COL2A1: variants seen among roughly 807,000 people sequenced by gnomAD.
COL2A1 encodes collagen type II alpha 1 chain.
In COL2A1, 28 loss-of-function variants were observed where a neutral mutation model predicts 204.5. The ratio of observed to expected loss-of-function variants is 0.14; its 90% CI spans 0.10 to 0.19. The LOEUF (loss-of-function observed/expected upper bound fraction) is 0.19, where lower values mean the gene tolerates loss of function less well. Ranked by LOEUF, COL2A1 falls within the 10% of genes least tolerant of loss-of-function variation. The pLI is 1.00. For synonymous variants in COL2A1, 708 were observed against 718.7 expected (o/e 0.99, Z 0.24); for missense variants, 1,388 against 2,027.5 (o/e 0.68, Z 6.06).
Position 47,985,979 on chromosome 12 carries a change from G to A in COL2A1, c.1528-14C>T. 1.3e-6 allele frequency: 2 copies of A among 1,551,516 alleles called. No individual in the cohort carries two copies. The highest frequency in any genetic ancestry group is 1.7e-6 in the Non-Finnish European group (2 of 1,146,966). ...GCCGGGAGCACCCTAAGGAGCCACA[G>A]GGAGGAGAGGCAGTGAGTGAGAACA... On this transcript the variant is annotated splice_polypyrimidine_tract_variant and intron_variant, in intron 23 of 53. Transcript: ENST00000380518.
At chr12:47,985,495 C>A (rs761743720) in intron 26 of COL2A1, 39 bp downstream of exon 26, 4 of 1,597,054 alleles carry the variant, frequency 2.5e-6, no homozygotes, top group South Asian at 2.2e-5. Context: ...CCAGGGAGAT[C>A]CCCCCACCCT....
intron 29 of COL2A1, 111 bp from the exon 30 acceptor site, chr12:47,983,847 G>A (rs559478547): frequency 8.6e-7 from 1 of 1,159,326 alleles, no homozygotes; most frequent in South Asian, 1.3e-5. Flanking sequence ...GCGTCTTCCT[G>A]CACCACTCAG....
chr12:47,980,037 T>C lies in COL2A1; in HGVS notation c.2651A>G (p.Lys884Arg). The change falls in exon 40 of 54, where the codon AAA (lysine) becomes AGA (arginine). Residue 884 changes from lysine (K) to arginine (R), a missense_variant. Lys to Arg is a conservative substitution (Grantham distance 26). This residue lies in a region of COL2A1 where 884 missense variants were observed against 1,415.8 expected (regional missense o/e 0.62). Coordinates refer to ENST00000380518, the MANE Select transcript of COL2A1 (RefSeq NM_001844.5). This position sits in a 1 kb window ranked among gnomAD's most constrained non-coding sequence, Gnocchi z 4.5. ...GGGGCCTTGGGCACCTCGGGCTCCTTTAGGACCAGTCACTCCAGTAGGACC... is the reference window on the plus strand; with the variant it reads ...GGGGCCTTGGGCACCTCGGGCTCCTCTAGGACCAGTCACTCCAGTAGGACC... ...PQGPTGVTGP[K>R]GARGAQGPPG... 1.3e-6 allele frequency: 2 copies of C among 1,555,472 alleles called. No individual in the cohort carries two copies. Among genetic ancestry groups the C allele is most frequent in the Non-Finnish European group, 1.7e-6 (2 of 1,149,538 alleles).
At chr12:47,973,640 T>A in intron 53 of COL2A1, 87 bp from the exon 54 acceptor site, 1 of 1,523,502 alleles carries the variant, frequency 6.6e-7, no homozygotes, top group Non-Finnish European at 9.1e-7. Context: ...CTGAACAAAC[T>A]GGCGAGCATC....
Position 47,976,527 on chromosome 12 carries a change from G to A in COL2A1, c.3476C>T (p.Pro1159Leu), listed in dbSNP as rs1938715657. The change falls in exon 49 of 54, where the codon CCT becomes CTT. Residue 1159 changes from proline (P) to leucine (L), a missense_variant. Transcript: ENST00000380518. The surrounding 1 kb of genome is among the most constrained non-coding windows in gnomAD (Gnocchi z 4.3). ...GDQGASGPAG[P>L]SGPRGPPGPV... ...CATGTCACTTACTCTAGGGCCAGAA[G>A]GACCAGCAGGACCAGAAGCACCTTG... 4 of 1,614,078 alleles carry A rather than the reference G, an allele frequency of 2.5e-6. No individual in the cohort carries two copies. Among genetic ancestry groups the A allele is most frequent in the Admixed American group, 1.7e-5 (1 of 60,014 alleles).
intron 1 of COL2A1, 95 bp from the exon 2 acceptor site, chr12:48,000,220 A>G: frequency 1.2e-6 from 1 of 865,286 alleles, no homozygotes; most frequent in East Asian, 2.6e-5. Context: ...TCAACTTGAC[A>G]GAATTCAAAT....
intron 14 of COL2A1, 72 bp from the exon 15 acceptor site, chr12:47,993,574 G>A (rs375020687): frequency 2.6e-5 from 36 of 1,371,566 alleles, no homozygotes; most frequent in East Asian, 6.9e-5. Context: ...TAGGGAAGAC[G>A]CCAAAAGCCC....
chr12:47,987,408 C>T lies in COL2A1; in HGVS notation c.1222-95G>A, dbSNP rs575480086. 3.0e-6 allele frequency: 4 copies of T among 1,349,202 alleles called. No homozygotes were observed. The highest frequency in any genetic ancestry group is 1.4e-5 in the African/African-American group (1 of 70,038). 83.6% of individuals were successfully genotyped at this position (1,349,202 alleles called of 1,614,324 possible). On this transcript the variant is annotated intron_variant, in intron 19 of 53. Transcript: ENST00000380518. The surrounding 1 kb of genome is among the most constrained non-coding windows in gnomAD (Gnocchi z 4.1). The stretch of plus-strand genomic sequence containing the variant: ...CAGATCCAGGGACCTGGCATAGGTG[C>T]TGTCCATTTCAGGGACATTCCCACT...
chr12:47,988,662 C>T (rs764006622), intron 18 of COL2A1, among the ~76,000 whole-genome samples: 19 of 152,234 alleles, frequency 1.2e-4, no homozygotes, highest in Non-Finnish European at 2.1e-4. Flanking sequence ...TTCCCAGGGA[C>T]GTTCACACTG....
upstream of COL2A1, among the ~76,000 whole-genome samples, chr12:48,004,814 C>T (rs1262608867): frequency 6.6e-6 from 1 of 152,192 alleles, no homozygotes; most frequent in Admixed American, 6.5e-5. Context: ...CGGAGTTCTG[C>T]CGGAGTTGGA....
chr12:47,989,693 T>C, intron 17 of COL2A1, 68 bp downstream of exon 17: 2 of 1,399,092 alleles, frequency 1.4e-6, no homozygotes, highest in Non-Finnish European at 2.0e-6. Context: ...CCCTGCAGAC[T>C]GCCTTGGGCT....
chr12:47,977,927 G>A, intron 44 of COL2A1, 83 bp downstream of exon 44: 1 of 1,321,524 alleles, frequency 7.6e-7, no homozygotes, highest in Non-Finnish European at 1.1e-6. Context: ...CCCTGACTGG[G>A]ACTTGTCCTT....
chr12:47,994,613 A>G, intron 11 of COL2A1, 136 bp from the exon 12 acceptor site: 1 of 874,042 alleles, frequency 1.1e-6, no homozygotes, highest in Non-Finnish European at 1.9e-6. Flanking sequence ...CCTCCTTCAG[A>G]CTCCACGTGC....
intron 7 of COL2A1, 78 bp from the exon 8 acceptor site, chr12:47,996,703 A>G: frequency 9.0e-7 from 1 of 1,108,832 alleles, no homozygotes; most frequent in Non-Finnish European, 1.4e-6. Context: ...CTCTATATGG[A>G]TACAAAGAAC....
chr12:47,984,492 C>T lies in COL2A1; in HGVS notation c.1887+54G>A. 1.8e-5 allele frequency: 29 copies of T among 1,584,412 alleles called. 2 individuals carry two copies. The South Asian group carries it at 3.1e-4, about 17-fold the overall frequency. On this transcript the variant is annotated intron_variant, in intron 28 of 53. Coordinates refer to ENST00000380518, the MANE Select transcript of COL2A1 (RefSeq NM_001844.5). ...CATGGGGAGGCCGTTCCCCTGTCCT[C>T]CCTGCAGATGCCCGGCCAACACCAA...
chr12:47,990,839 C>T (rs918556516), intron 16 of COL2A1, among the ~76,000 whole-genome samples: 2 of 152,162 alleles, frequency 1.3e-5, no homozygotes, highest in African/African-American at 2.4e-5. Flanking sequence ...AACTCTTTAC[C>T]GAAACTCTGG....
At chr12:47,996,684 C>A (rs1939980656) in intron 7 of COL2A1, 59 bp from the exon 8 acceptor site, 8 of 1,358,532 alleles carry the variant, frequency 5.9e-6, no homozygotes, top group African/African-American at 1.4e-5. Context: ...CCCTACTTGG[C>A]TAGGTAAGCT....
In COL2A1 at chr12:47,986,901, G is replaced by T. The variant is rs200984998; in HGVS notation, c.1366-13C>A. On this transcript the variant is annotated splice_polypyrimidine_tract_variant and intron_variant, in intron 21 of 53. Transcript: ENST00000380518. ...TACCAGGTTCACCCTTGAAAAGAGA[G>T]GCAGGTCCTCACACCAGATTCTCTC... 4.7e-4 allele frequency: 765 copies of T among 1,614,150 alleles called. 1 individual carries two copies. The highest frequency in any genetic ancestry group is 5.2e-4 in the Non-Finnish European group (615 of 1,179,986).
At chr12:47,997,811 G>A in intron 6 of COL2A1, 60 bp downstream of exon 6, 3 of 1,610,712 alleles carry the variant, frequency 1.9e-6, no homozygotes, top group South Asian at 1.1e-5. Flanking sequence ...TAAACACATG[G>A]TGGGGCCTTG....
Sources: allele counts gnomAD v4.1 joint callset (sites outside exome capture counted in the v4.1 genomes callset), GRCh38; gene constraint gnomAD v4.1.1; regional missense constraint gnomAD v4.1.1; non-coding constraint Gnocchi (gnomAD v3.1); transcripts MANE v1.5; gene names NCBI Gene and HGNC (gene_info 2026-07-23, HGNC 2026-07-21).